ST3GAL3: variants seen among roughly 807,000 people sequenced by gnomAD.
ST3GAL3 encodes the protein CMP-N-acetylneuraminate-beta-1,4-galactoside alpha-2,3-sialyltransferase.
ST3GAL3 carries 21 observed loss-of-function variants against 50.1 expected under a neutral mutation model. The observed-to-expected ratio is 0.42, with a 90% CI of 0.30 to 0.60. The LOEUF (loss-of-function observed/expected upper bound fraction) is 0.60, where lower values mean the gene tolerates loss of function less well. ST3GAL3 is among the 20% of genes least tolerant of loss of function. The probability of loss-of-function intolerance (pLI) is 0.19; values close to 1 mark genes in which losing one functional copy is unlikely to be tolerated. For synonymous variants in ST3GAL3, 183 were observed against 190.0 expected (o/e 0.96, Z 0.30); for missense variants, 353 against 489.4 (o/e 0.72, Z 2.63).
chr1:43,914,136 C>T (rs1427579186), intron 9 of ST3GAL3: 3 of 152,272 alleles, frequency 2.0e-5, no homozygotes, highest in Admixed American at 6.5e-5. Context: ...AGTTAATAAG[C>T]GAATTTCCTG....
chr1:43,864,715 G>A (rs1305594171), intron 5 of ST3GAL3, among the ~76,000 whole-genome samples: 1 of 152,162 alleles, frequency 6.6e-6, no homozygotes, highest in Non-Finnish European at 1.5e-5. Flanking sequence ...TGCTTGGGAA[G>A]AGGTGATAAG....
chr1:43,714,486 T>C (rs1666393880), intron 1 of ST3GAL3, among the ~76,000 whole-genome samples: 1 of 148,022 alleles, frequency 6.8e-6, no homozygotes, highest in Non-Finnish European at 1.5e-5. Context: ...GCACCTGTAG[T>C]CCCAGCTGCT....
At chr1:43,889,027 C>G (rs1260312725) in intron 5 of ST3GAL3, among the ~76,000 whole-genome samples, 4 of 152,054 alleles carry the variant, frequency 2.6e-5, no homozygotes, top group Non-Finnish European at 5.9e-5. Context: ...AGACTGGAAA[C>G]AACCCAGGAG....
chr1:43,901,051 C>G (rs759854922), intron 9 of ST3GAL3, among the ~76,000 whole-genome samples: 1 of 152,234 alleles, frequency 6.6e-6, no homozygotes, highest in African/African-American at 2.4e-5. Context: ...GTTTTCAGAA[C>G]CCTGGGGACT....
chr1:43,711,500 A>G (rs1280920307), intron 1 of ST3GAL3, among the ~76,000 whole-genome samples: 1 of 152,278 alleles, frequency 6.6e-6, no homozygotes, highest in African/African-American at 2.4e-5. Context: ...TTTGGTGCAT[A>G]GCACTAATGA....
chr1:43,875,059 G>A (rs537072603), intron 5 of ST3GAL3, among the ~76,000 whole-genome samples: 3 of 152,140 alleles, frequency 2.0e-5, no homozygotes, highest in Non-Finnish European at 4.4e-5. Flanking sequence ...TCAAAGCTGT[G>A]TTTCCCCCAA....
chr1:43,783,646 C>A (rs1054255856), intron 2 of ST3GAL3, among the ~76,000 whole-genome samples: 1 of 152,178 alleles, frequency 6.6e-6, no homozygotes, highest in African/African-American at 2.4e-5. Context: ...ATCTTACTCT[C>A]AGTTTCAGCA....
At chr1:43,831,414 C>T (rs775321266) in intron 4 of ST3GAL3, among the ~76,000 whole-genome samples, 1 of 152,182 alleles carries the variant, frequency 6.6e-6, no homozygotes, top group Non-Finnish European at 1.5e-5. Context: ...AGAAGAGATA[C>T]TTATGTATTT....
intron 5 of ST3GAL3, chr1:43,839,779 G>T (rs890682714): frequency 3.9e-5 from 6 of 152,214 alleles, no homozygotes; most frequent in Admixed American, 6.5e-5. Context: ...AAGGCCTCAG[G>T]AAACTTAAAA....
rs1205050817 is a variant in ST3GAL3, at chr1:43,802,933, TGTTTTG to T, written c.166+10785_166+10790del. On this transcript the variant is annotated intron_variant, in intron 3 of 11. Transcript: ENST00000347631. ...CCTCACAGTTGGTTGGTTTTTGTTT[TGTTTTG>T]TTTTTGTTTTTGAGACAGAGTCTCA... Among the ~76,000 whole-genome samples the T allele has an allele frequency of 3.3e-5, 5 of 152,250 alleles. No individual in the cohort carries two copies. The East Asian group carries it at 9.7e-4, about 29-fold the overall frequency.
intron 4 of ST3GAL3, 48 bp from the exon 5 acceptor site, chr1:43,838,171 T>G (rs1173648398): frequency 3.2e-6 from 3 of 948,534 alleles, no homozygotes; most frequent in African/African-American, 1.8e-5. Flanking sequence ...AATAACCCAC[T>G]CAGTGCTCAG....
At position 43,794,221 on chromosome 1, in the gene ST3GAL3, A is replaced by G. The variant is rs186771054; in HGVS notation, c.166+2072A>G. Among the ~76,000 whole-genome samples, 3 of 152,372 alleles carry G rather than the reference A, an allele frequency of 2.0e-5. No homozygotes were observed. The East Asian group carries it at 5.8e-4, about 29-fold the overall frequency. Reference sequence around the variant, plus strand: ...AAGAACGACAGAAGTCAATAGGAATAAAGGAGCAACTCATTACAGAAATGA... The same window carrying G: ...AAGAACGACAGAAGTCAATAGGAATGAAGGAGCAACTCATTACAGAAATGA... On this transcript the variant is annotated intron_variant, in intron 3 of 11. Transcript: ENST00000347631.
At chr1:43,748,961 A>G (rs950532569) in intron 2 of ST3GAL3, among the ~76,000 whole-genome samples, 1 of 152,224 alleles carries the variant, frequency 6.6e-6, no homozygotes, top group African/African-American at 2.4e-5. Context: ...GAGAGCTTAC[A>G]CTACTTCACT....
chr1:43,857,908 G>T (rs776543245), intron 5 of ST3GAL3, among the ~76,000 whole-genome samples: 2 of 152,060 alleles, frequency 1.3e-5, no homozygotes, highest in African/African-American at 2.4e-5. Context: ...GAGCCACCAC[G>T]CCTGGCCTTA....
intron 4 of ST3GAL3, among the ~76,000 whole-genome samples, chr1:43,816,867 A>G (rs2061307614): frequency 6.6e-6 from 1 of 152,202 alleles, no homozygotes; most frequent in Non-Finnish European, 1.5e-5. Flanking sequence ...CTAGCTGCAA[A>G]GGTTTTTCTA....
At chr1:43,759,065 GCACACACACACA>G (rs1553285693) in intron 2 of ST3GAL3, among the ~76,000 whole-genome samples, 48 of 75,452 alleles carry the variant, frequency 6.4e-4, no homozygotes, top group South Asian at 2.3e-3. Context: ...AAAAGCGCGC[GCACACACACACA>G]CACACACACA....
chr1:43,753,181 T>C (rs1686815552), intron 2 of ST3GAL3, among the ~76,000 whole-genome samples: 1 of 152,234 alleles, frequency 6.6e-6, no homozygotes, highest in Non-Finnish European at 1.5e-5. Context: ...TAACAGAGTA[T>C]ATTCCAGAGA....
intron 4 of ST3GAL3, among the ~76,000 whole-genome samples, chr1:43,821,403 G>A (rs115845174): frequency 0.016 from 2,499 of 152,126 alleles, 72 homozygotes; most frequent in African/African-American, 0.057. Context: ...GCGTTTTCCC[G>A]AGAGACCCAG....
At chr1:43,793,221 A>T (rs886076211) in intron 3 of ST3GAL3, among the ~76,000 whole-genome samples, 8 of 151,458 alleles carry the variant, frequency 5.3e-5, no homozygotes, top group African/African-American at 1.7e-4. Flanking sequence ...TTTTATTTTT[A>T]TTTTTTTTAT....
Sources: gnomAD v4.1 joint callset for allele counts (sites outside exome capture counted in the v4.1 genomes callset) on GRCh38, gnomAD v4.1.1 for gene constraint, MANE v1.5 for transcripts, NCBI Gene and HGNC (gene_info 2026-07-23, HGNC 2026-07-21) for gene names.